GPS1: variants seen among roughly 807,000 people sequenced by gnomAD.
GPS1 encodes COP9 signalosome complex subunit 1.
A neutral mutation model predicts 60.0 loss-of-function variants in GPS1; 11 were observed. The ratio of observed to expected loss-of-function variants is 0.18; its 90% CI spans 0.12 to 0.30. GPS1 has a LOEUF of 0.30. Among genes scored for constraint, GPS1 ranks in the 10% least tolerant of loss-of-function variants. The pLI, the probability that GPS1 is intolerant of heterozygous loss-of-function variation, is 1.00. For missense variants in GPS1, 543 were observed against 669.2 expected (o/e 0.81, Z 2.08); for synonymous variants, 343 against 269.8 (o/e 1.27, Z -2.66).
Position 82,053,312 on chromosome 17 carries a change from G to A in GPS1, c.72G>A (p.Gln24=), listed in dbSNP as rs1281832692. Residue 24 remains glutamine, a synonymous_variant, in exon 2 of 13, where the codon CAG becomes CAA. Coordinates refer to ENST00000578552, the MANE Select transcript of GPS1 (RefSeq NM_001321092.3). ...CCATGCAGATCGACGTGGACCCCCAGGAAGACCCGCAGAATGCACCTGACG... is the reference window on the plus strand; with the variant it reads ...CCATGCAGATCGACGTGGACCCCCAAGAAGACCCGCAGAATGCACCTGACG... ...VEPMQIDVDP[Q]EDPQNAPDVN... The A allele has an allele frequency of 1.3e-6, 2 of 1,549,180 alleles. No individual in the cohort carries two copies. Among genetic ancestry groups the A allele is most frequent in the East Asian group, 5.0e-5 (2 of 39,872 alleles).
intron 6 of GPS1, 26 bp from the exon 7 acceptor site, chr17:82,055,714 T>TCCCCCCCC: frequency 3.3e-6 from 2 of 612,346 alleles, no homozygotes; most frequent in Non-Finnish European, 5.5e-6. Context: ...CTCTCCCCCC[T>TCCCCCCCC]CCCCGCCCCC....
chr17:82,056,616 C>T lies in GPS1; in HGVS notation c.1117-13C>T, dbSNP rs746688749. ...GCAGGGGGCTGTGGAGCTGACTTCC[C>T]TCTGCCCTGCAGTATTTCAGCCCCT... is the stretch of plus-strand genomic sequence containing the variant. On this transcript the variant is annotated splice_polypyrimidine_tract_variant and intron_variant, in intron 10 of 12. Coordinates refer to ENST00000578552, the MANE Select transcript of GPS1 (RefSeq NM_001321092.3). The T allele has an allele frequency of 2.5e-6, 4 of 1,612,150 alleles. No individual in the cohort carries two copies. Among genetic ancestry groups the T allele is most frequent in the South Asian group, 1.1e-5 (1 of 91,040 alleles).
intron 7 of GPS1, 57 bp from the exon 8 acceptor site, chr17:82,055,944 G>C: frequency 6.9e-7 from 1 of 1,445,756 alleles, no homozygotes; most frequent in Non-Finnish European, 9.7e-7. Flanking sequence ...CGGGTGATGG[G>C]CAGGCAGGGG....
Position 82,056,176 on chromosome 17 carries a change from C to A in GPS1, c.929+81C>A, listed in dbSNP as rs538506493. ...CTGCTTCGGCCTTGCATGTCCTGGC[C>A]CCCTGGCCCCAGCGTTTTCTCAGGT... On this transcript the variant is annotated intron_variant, in intron 8 of 12. Transcript: ENST00000578552. 168 of 1,390,048 alleles carry A rather than the reference C, an allele frequency of 1.2e-4. 1 individual carries two copies. In the Middle Eastern group the frequency reaches 1.8e-3, roughly 15 times the overall value. The allele number at this position is 1,390,048 out of a possible 1,614,324, so 86.1% of individuals were successfully genotyped here.
At chr17:82,051,543 A>G, upstream of GPS1, 2 of 1,397,064 alleles carry the variant, frequency 1.4e-6, no homozygotes, top group African/African-American at 1.5e-5. This position sits in a 1 kb window ranked among gnomAD's most constrained non-coding sequence, Gnocchi z 4.1. Flanking sequence ...CAGCAGCCGC[A>G]GGCGCGGCCC....
chr17:82,051,289 C>T, upstream of GPS1: 1 of 1,388,660 alleles, frequency 7.2e-7, no homozygotes, highest in Non-Finnish European at 9.3e-7. The surrounding 1 kb of genome is among the most constrained non-coding windows in gnomAD (Gnocchi z 4.1). Flanking sequence ...GTGGGGGACA[C>T]TCACCGCCCT....
rs2031954397 is a variant in GPS1, at chr17:82,054,294, C to G, written c.309-216C>G. The G allele has an allele frequency of 9.1e-6, 7 of 773,466 alleles. No individual in the cohort carries two copies. The East Asian group carries it at 1.9e-4, about 21-fold the overall frequency. The allele number at this position is 773,466 out of a possible 1,614,324, so 47.9% of individuals were successfully genotyped here. A position where few individuals can be genotyped will look rare whatever the true frequency, so the allele number is the denominator to read the frequency against. On this transcript the variant is annotated intron_variant, in intron 3 of 12. Coordinates refer to ENST00000578552, the MANE Select transcript of GPS1 (RefSeq NM_001321092.3). ...AGACTGTGGCTCAGGGGCCGCCTCC[C>G]TGCTGGTTTCCCCACCCGGCTGTAG...
At chr17:82,053,011 G>A in intron 1 of GPS1, 1 of 322,386 alleles carries the variant, frequency 3.1e-6, no homozygotes, top group Non-Finnish European at 5.7e-6. Context: ...TTTCAGAGAT[G>A]AGCGGCTAGA....
chr17:82,053,210 G>A (rs780554088), intron 1 of GPS1, 64 bp from the exon 2 acceptor site: 51 of 1,307,650 alleles, frequency 3.9e-5, no homozygotes, highest in East Asian at 1.2e-4. Flanking sequence ...AGAACAGTGC[G>A]GGTCTCTCGC....
At chr17:82,054,145 C>T (rs914442229) in intron 3 of GPS1, 96 bp downstream of exon 3, 7 of 1,364,954 alleles carry the variant, frequency 5.1e-6, no homozygotes, top group Non-Finnish European at 6.9e-6. Flanking sequence ...ATCTCCCACC[C>T]CTGTGCTGGG....
upstream of GPS1, chr17:82,051,554 G>A (rs781369314): frequency 1.4e-6 from 2 of 1,397,074 alleles, no homozygotes; most frequent in East Asian, 6.4e-5. This position sits in a 1 kb window ranked among gnomAD's most constrained non-coding sequence, Gnocchi z 4.1. Flanking sequence ...GGCGCGGCCC[G>A]TGGTTCTTCC....
upstream of GPS1, chr17:82,051,631 G>A (rs2030626379): frequency 1.7e-6 from 2 of 1,145,652 alleles, no homozygotes; most frequent in Non-Finnish European, 2.1e-6. This position sits in a 1 kb window ranked among gnomAD's most constrained non-coding sequence, Gnocchi z 4.1. Flanking sequence ...CGGGACGGGG[G>A]CGCGCGCGGG....
At chr17:82,055,633 G>A (rs2032438042) in intron 6 of GPS1, 107 bp from the exon 7 acceptor site, 2 of 736,722 alleles carry the variant, frequency 2.7e-6, no homozygotes, top group Non-Finnish European at 4.6e-6. Context: ...AGGCCAGCGA[G>A]CCGGCTGGTG....
At position 82,056,623 on chromosome 17, in the gene GPS1, C is replaced by T. The variant is rs770561103; in HGVS notation, c.1117-6C>T. The T allele has an allele frequency of 1.2e-6, 2 of 1,611,926 alleles. No individual in the cohort carries two copies. Among genetic ancestry groups the T allele is most frequent in the African/African-American group, 2.7e-5 (2 of 75,044 alleles). On this transcript the variant is annotated splice_region_variant and splice_polypyrimidine_tract_variant and intron_variant, in intron 10 of 12. Transcript: ENST00000578552. The stretch of plus-strand genomic sequence containing the variant: ...GCTGTGGAGCTGACTTCCCTCTGCC[C>T]TGCAGTATTTCAGCCCCTACGTGTC...
chr17:82,056,164 G>C, intron 8 of GPS1, 69 bp downstream of exon 8: 1 of 1,424,370 alleles, frequency 7.0e-7, no homozygotes, highest in Non-Finnish European at 9.9e-7. Flanking sequence ...CTTCGGCCTT[G>C]CATGTCCTGG....
rs776441934 is a variant in GPS1 at position 82,056,554 on chromosome 17, A to T, written c.1116+4A>T. 1 of 1,612,850 alleles carries T rather than the reference A, an allele frequency of 6.2e-7. No homozygotes were observed. The highest frequency in any genetic ancestry group is 1.7e-5 in the Admixed American group (1 of 60,018). ...TCGCAACCGTGCCCTCATCCAGGTA[A>T]GCGTGGGGGTCAGGCTGGCACACGG... On this transcript the variant is annotated splice_donor_region_variant and intron_variant, in intron 10 of 12. Coordinates refer to ENST00000578552, the MANE Select transcript of GPS1 (RefSeq NM_001321092.3).
rs1338650348 is a variant in GPS1, at chr17:82,054,026, C to T, written c.285C>T (p.His95=). Residue 95 remains histidine (H), a synonymous_variant, in exon 3 of 13, where the codon CAC becomes CAT. Coordinates refer to ENST00000578552, the MANE Select transcript of GPS1 (RefSeq NM_001321092.3). ...TFNVDMYEEI[H]RKLSEATREL... ...ACGTGGACATGTACGAGGAGATCCA[C>T]CGCAAGCTCTCAGAGGCCACCAGGT... The T allele has an allele frequency of 2.5e-6, 4 of 1,611,486 alleles. No homozygotes were observed. The highest frequency in any genetic ancestry group is 2.2e-5 in the East Asian group (1 of 44,854).
chr17:82,051,279 GT>G (rs773546780), upstream of GPS1: 157 of 1,369,910 alleles, frequency 1.1e-4, no homozygotes, highest in Non-Finnish European at 1.4e-4. This position sits in a 1 kb window ranked among gnomAD's most constrained non-coding sequence, Gnocchi z 4.1. Flanking sequence ...GCGCCGGGGA[GT>G]GGGGGACACT....
chr17:82,055,303 C>T (rs1318566556), intron 6 of GPS1, 81 bp downstream of exon 6: 1 of 1,408,372 alleles, frequency 7.1e-7, no homozygotes, highest in South Asian at 1.2e-5. Context: ...AGGCTGGTCC[C>T]TGCCTCAGCC....
Sources: gnomAD v4.1 joint callset for allele counts on GRCh38, gnomAD v4.1.1 for gene constraint, Gnocchi (gnomAD v3.1) non-coding constraint, MANE v1.5 for transcripts, NCBI Gene and HGNC (gene_info 2026-07-23, HGNC 2026-07-21) for gene names.